Variants in NTRK1 observed in about 807,000 individuals in gnomAD.
NTRK1 encodes the protein high affinity nerve growth factor receptor.
Under a neutral mutation model 86.8 loss-of-function variants are expected in NTRK1, and 62 were observed. The ratio of observed to expected loss-of-function variants is 0.71; its 90% CI spans 0.58 to 0.88. The LOEUF (loss-of-function observed/expected upper bound fraction) is 0.88, where lower values mean the gene tolerates loss of function less well. Ranked by LOEUF, NTRK1 falls within the 40% of genes least tolerant of loss-of-function variation. The pLI is 0.00. For missense variants in NTRK1, 967 were observed against 1,078.4 expected (o/e 0.90, Z 1.45); for synonymous variants, 469 against 456.6 (o/e 1.03, Z -0.35).
intron 7 of NTRK1, 44 bp from the exon 8 acceptor site, chr1:156,873,589 C>T (rs2102904467): frequency 1.3e-6 from 2 of 1,561,610 alleles, no homozygotes; most frequent in Non-Finnish European, 1.8e-6. Flanking sequence ...AGGCTCCCTC[C>T]AGCTGCGCCC....
chr1:156,820,771 T>C (rs1015855940), intron 1 of NTRK1, among the ~76,000 whole-genome samples: 1 of 152,254 alleles, frequency 6.6e-6, no homozygotes, highest in Non-Finnish European at 1.5e-5. Context: ...ATATGGGCTC[T>C]TTTTTGGTTC....
intron 14 of NTRK1, among the ~76,000 whole-genome samples, chr1:156,877,970 T>A (rs1490390959): frequency 6.6e-6 from 1 of 152,090 alleles, no homozygotes; most frequent in Admixed American, 6.6e-5. Flanking sequence ...GAGGAGCCTA[T>A]CTCTTTGCTC....
chr1:156,866,487 G>A (rs1383041143), intron 3 of NTRK1, among the ~76,000 whole-genome samples: 1 of 152,182 alleles, frequency 6.6e-6, no homozygotes, highest in Non-Finnish European at 1.5e-5. Context: ...TCAGGTAGGG[G>A]CAAGGGAGTG....
chr1:156,876,020 C>T (rs1053872049), intron 12 of NTRK1, 60 bp from the exon 13 acceptor site: 23 of 1,613,330 alleles, frequency 1.4e-5, no homozygotes, highest in South Asian at 9.9e-5. Context: ...AGACAGTCCC[C>T]GCTACAACCC....
At position 156,849,011 on chromosome 1, in the gene NTRK1, G is replaced by T; in HGVS notation, c.50+6818G>T. 2.5e-6 allele frequency: 4 copies of T among 1,613,456 alleles called. No individual in the cohort carries two copies. In the South Asian group the frequency reaches 3.3e-5, roughly 13 times the overall value. On this transcript the variant is annotated intron_variant, in intron 2 of 16. Coordinates refer to the NTRK1 transcript ENST00000392302. ...GCGTAGCAGGATGCGGTCTGCCTCCGTCACGTTGGACACGAAGCGCAGGGT... is the reference window on the plus strand; with the variant it reads ...GCGTAGCAGGATGCGGTCTGCCTCCTTCACGTTGGACACGAAGCGCAGGGT...
At chr1:156,843,164 G>C (rs745547166) in intron 2 of NTRK1, 2 of 1,613,904 alleles carry the variant, frequency 1.2e-6, no homozygotes, top group African/African-American at 2.7e-5. Flanking sequence ...CATCCCAAAA[G>C]AGCCCTGGCC....
At chr1:156,872,861 T>C (rs1647641236) in intron 7 of NTRK1, among the ~76,000 whole-genome samples, 1 of 151,990 alleles carries the variant, frequency 6.6e-6, no homozygotes, top group Admixed American at 6.6e-5. Flanking sequence ...ATTTTTTTAG[T>C]GGAGACGGGG....
Position 156,840,960 on chromosome 1 carries a change from C to G in NTRK1, c.-63-1121C>G, listed in dbSNP as rs377694886. On this transcript the variant is annotated intron_variant, in intron 1 of 16. Transcript: ENST00000392302. ...CTGCATCGGTGGTAGGCAGGGAGCCCCGGGCCCCCCGGCATTCCGGGCTGT... is the reference window on the plus strand; with the variant it reads ...CTGCATCGGTGGTAGGCAGGGAGCCGCGGGCCCCCCGGCATTCCGGGCTGT... 3.1e-5 allele frequency: 50 copies of G among 1,613,910 alleles called. No homozygotes were observed. The African/African-American group carries it at 6.5e-4, about 21-fold the overall frequency.
At position 156,868,490 on chromosome 1, in the gene NTRK1, G is replaced by A. The variant is rs762788551; in HGVS notation, c.575-15G>A. 60 of 1,554,776 alleles carry A rather than the reference G, an allele frequency of 3.9e-5. No homozygotes were observed. The Middle Eastern group carries it at 8.1e-4, about 21-fold the overall frequency. ...CTCTAACACCCCTTGGCCCTCGGGC[G>A]TCCTGGGTGGCCAGGTGTGCCCACG... On this transcript the variant is annotated splice_polypyrimidine_tract_variant and intron_variant, in intron 5 of 16. Transcript: ENST00000524377.
intron 1 of NTRK1, chr1:156,816,087 G>T (rs1225565413): frequency 1.2e-6 from 2 of 1,612,850 alleles, no homozygotes; most frequent in Non-Finnish European, 1.7e-6. Flanking sequence ...TGGGGGCTTC[G>T]TGACTCCCTG....
At chr1:156,851,494 AG>A (rs772022206) in intron 2 of NTRK1, 2 of 1,609,120 alleles carry the variant, frequency 1.2e-6, no homozygotes, top group South Asian at 1.1e-5. Context: ...CTGTGGGGCA[AG>A]GGGGCTGAAT....
intron 2 of NTRK1, chr1:156,845,550 C>A (rs1434365969): frequency 4.3e-6 from 6 of 1,390,694 alleles, no homozygotes; most frequent in East Asian, 4.8e-5. Flanking sequence ...AACCCCACCC[C>A]TCCCGCAAGA....
intron 9 of NTRK1, 63 bp downstream of exon 9, chr1:156,874,463 G>A (rs1647768163): frequency 1.2e-6 from 2 of 1,613,354 alleles, no homozygotes; most frequent in South Asian, 1.1e-5. Flanking sequence ...TGGGGCAGAG[G>A]GTACAGCTGA....
intron 12 of NTRK1, 181 bp from the exon 13 acceptor site, chr1:156,875,899 C>A: frequency 3.6e-6 from 4 of 1,116,302 alleles, no homozygotes; most frequent in Non-Finnish European, 2.6e-6. Flanking sequence ...CCTCTCGGGG[C>A]AGGTGCAGCC....
At chr1:156,867,629 G>A (rs1406585854) in intron 4 of NTRK1, among the ~76,000 whole-genome samples, 1 of 149,344 alleles carries the variant, frequency 6.7e-6, no homozygotes, top group Non-Finnish European at 1.5e-5. Context: ...CACAGCGCCT[G>A]GCTTATTTCT....
At chr1:156,858,648 C>A (rs1184382974), upstream of NTRK1, 3 of 1,596,408 alleles carry the variant, frequency 1.9e-6, no homozygotes, top group Non-Finnish European at 2.6e-6. Context: ...TGTGTCCAGT[C>A]CCGGCTCTCC....
intron 5 of NTRK1, 27 bp from the exon 6 acceptor site, chr1:156,868,478 T>C (rs776065508): frequency 6.4e-7 from 1 of 1,552,600 alleles, no homozygotes; most frequent in South Asian, 1.2e-5. Flanking sequence ...TAACACCCCT[T>C]GGCCCTCGGG....
At chr1:156,839,510 C>T (rs1283421509) in intron 1 of NTRK1, among the ~76,000 whole-genome samples, 1 of 152,238 alleles carries the variant, frequency 6.6e-6, no homozygotes, top group Non-Finnish European at 1.5e-5. Context: ...TGTGCAACAT[C>T]CACATGCCTC....
At chr1:156,843,202 C>T (rs767792087) in intron 2 of NTRK1, 1 of 1,614,096 alleles carries the variant, frequency 6.2e-7, no homozygotes, top group South Asian at 1.1e-5. Context: ...AGATCTGCTC[C>T]CGAGGCACCT....
Sources: gnomAD v4.1 joint callset for allele counts (sites outside exome capture counted in the v4.1 genomes callset) on GRCh38, gnomAD v4.1.1 for gene constraint, MANE v1.5 for transcripts, NCBI Gene and HGNC (gene_info 2026-07-23, HGNC 2026-07-21) for gene names.